Variants in CCDC102B observed in about 807,000 individuals in gnomAD.
CCDC102B encodes coiled-coil domain containing 102B.
A neutral mutation model predicts 57.4 loss-of-function variants in CCDC102B; 75 were observed. The observed-to-expected ratio is 1.31, with a 90% CI of 1.08 to 1.58. The LOEUF is 1.58. Among genes scored for constraint, CCDC102B ranks in the 40% most tolerant of loss-of-function variants. The pLI is 0.00. For missense variants in CCDC102B, 636 were observed against 582.6 expected (o/e 1.09, Z -0.94); for synonymous variants, 206 against 201.9 (o/e 1.02, Z -0.17).
chr18:68,843,568 A>G (rs564746314), intron 3 of CCDC102B, among the ~76,000 whole-genome samples: 1 of 152,236 alleles, frequency 6.6e-6, no homozygotes, highest in South Asian at 2.1e-4. Context: ...ATTTTGGTTC[A>G]CATTTTCTAT....
intron 5 of CCDC102B, among the ~76,000 whole-genome samples, chr18:68,888,905 T>G (rs2039978601): frequency 6.6e-6 from 1 of 152,156 alleles, no homozygotes; most frequent in Non-Finnish European, 1.5e-5. Context: ...ACCCTTTATC[T>G]AATGATTCTG....
intron 2 of CCDC102B, among the ~76,000 whole-genome samples, chr18:68,734,525 A>G (rs1368866551): frequency 1.3e-5 from 2 of 152,198 alleles, no homozygotes; most frequent in Non-Finnish European, 2.9e-5. Context: ...TTTAAACCAC[A>G]AATACCAAAG....
intron 6 of CCDC102B, among the ~76,000 whole-genome samples, chr18:68,999,587 CAG>C (rs2051145335): frequency 6.6e-6 from 1 of 152,040 alleles, no homozygotes; most frequent in South Asian, 2.1e-4. Context: ...GCCTGGGTGA[CAG>C]AGCAAGATTC....
chr18:68,873,212 C>T (rs60077273), intron 4 of CCDC102B, among the ~76,000 whole-genome samples: 21,339 of 152,026 alleles, frequency 0.14, 1,813 homozygotes, highest in East Asian at 0.25. Context: ...TTTCAAATAA[C>T]TCTGTGGTAT....
intron 6 of CCDC102B, among the ~76,000 whole-genome samples, chr18:68,971,159 A>T (rs754800110): frequency 2.6e-5 from 4 of 152,036 alleles, no homozygotes; most frequent in Non-Finnish European, 5.9e-5. Context: ...AATTAAATTC[A>T]TTTTGACTAG....
At chr18:68,840,328 C>G (rs2037574597) in intron 3 of CCDC102B, among the ~76,000 whole-genome samples, 1 of 152,040 alleles carries the variant, frequency 6.6e-6, no homozygotes, top group African/African-American at 2.4e-5. Flanking sequence ...GATAAATATG[C>G]ATGCTAGCCA....
chr18:68,872,227 A>T (rs1411755047), intron 4 of CCDC102B, among the ~76,000 whole-genome samples: 1 of 152,170 alleles, frequency 6.6e-6, no homozygotes, highest in Non-Finnish European at 1.5e-5. Flanking sequence ...GAAGTTGGAC[A>T]TGTGCATTCA....
intron 2 of CCDC102B, among the ~76,000 whole-genome samples, chr18:68,790,570 C>CAG (rs2035415992): frequency 6.6e-6 from 1 of 152,146 alleles, no homozygotes; most frequent in African/African-American, 2.4e-5. Flanking sequence ...GTGCAGTATT[C>CAG]GGGTGGGAGT....
chr18:69,055,663 C>T (rs1453147654), downstream of CCDC102B, among the ~76,000 whole-genome samples: 1 of 152,038 alleles, frequency 6.6e-6, no homozygotes, highest in Non-Finnish European at 1.5e-5. Flanking sequence ...TGTGGCTGTG[C>T]CCCAAGTGGG....
intron 6 of CCDC102B, among the ~76,000 whole-genome samples, chr18:68,928,627 C>A (rs2041558402): frequency 6.6e-6 from 1 of 151,708 alleles, no homozygotes; most frequent in Non-Finnish European, 1.5e-5. Flanking sequence ...GGCGAAGAAC[C>A]CATACTGGAG....
At chr18:68,943,514 G>A (rs1174868251) in intron 6 of CCDC102B, among the ~76,000 whole-genome samples, 2 of 152,008 alleles carry the variant, frequency 1.3e-5, no homozygotes, top group African/African-American at 2.4e-5. Flanking sequence ...TTTGGAAAAC[G>A]TTTGTTTTGT....
chr18:68,729,764 G>A (rs2032773587), intron 2 of CCDC102B, among the ~76,000 whole-genome samples: 1 of 152,096 alleles, frequency 6.6e-6, no homozygotes, highest in African/African-American at 2.4e-5. Flanking sequence ...GAATACAAAT[G>A]TTGCAAGTCA....
intron 7 of CCDC102B, among the ~76,000 whole-genome samples, chr18:69,047,689 A>G (rs903048652): frequency 6.6e-6 from 1 of 152,122 alleles, no homozygotes; most frequent in Non-Finnish European, 1.5e-5. Flanking sequence ...AACTTCAGCA[A>G]AGTTTCAGGA....
intron 6 of CCDC102B, among the ~76,000 whole-genome samples, chr18:68,999,457 A>C (rs147382906): frequency 1.3e-5 from 2 of 151,886 alleles, no homozygotes; most frequent in Admixed American, 1.3e-4. Flanking sequence ...AAAAAAAAAA[A>C]AAACCCAGTA....
intron 4 of CCDC102B, among the ~76,000 whole-genome samples, chr18:68,853,596 C>T (rs747364323): frequency 7.1e-6 from 1 of 140,236 alleles, no homozygotes; most frequent in Admixed American, 7.8e-5. Context: ...TATTTGTGAG[C>T]TTTCCAAAAT....
chr18:68,877,206 C>T (rs557397358), intron 5 of CCDC102B, among the ~76,000 whole-genome samples: 1 of 152,192 alleles, frequency 6.6e-6, no homozygotes, highest in South Asian at 2.1e-4. Context: ...TTACTGTCTT[C>T]TATTAGATAA....
At chr18:68,872,704 GTTT>G (rs1420799876) in intron 4 of CCDC102B, among the ~76,000 whole-genome samples, 11 of 151,582 alleles carry the variant, frequency 7.3e-5, no homozygotes, top group Admixed American at 7.2e-4. Flanking sequence ...CCCTTTTCTT[GTTT>G]TTTATTTCCC....
chr18:69,043,408 T>C (rs1406595437), intron 7 of CCDC102B, among the ~76,000 whole-genome samples: 1 of 152,028 alleles, frequency 6.6e-6, no homozygotes, highest in Non-Finnish European at 1.5e-5. Context: ...TTTATGGGTG[T>C]CGGGCTTGGG....
chr18:68,831,625 G>C (rs954835983), intron 1 of CCDC102B, among the ~76,000 whole-genome samples: 1 of 152,112 alleles, frequency 6.6e-6, no homozygotes, highest in Non-Finnish European at 1.5e-5. Flanking sequence ...CAATTTAAAA[G>C]CCTCTCATTT....
Sources: allele counts gnomAD v4.1 joint callset (sites outside exome capture counted in the v4.1 genomes callset), GRCh38; gene constraint gnomAD v4.1.1; transcripts MANE v1.5; gene names NCBI Gene and HGNC (gene_info 2026-07-23, HGNC 2026-07-21).